The following VDAC3 variants were observed in gnomAD, a reference collection of about 807,000 sequenced individuals.
VDAC3 encodes voltage dependent anion channel 3.
A neutral mutation model predicts 33.9 loss-of-function variants in VDAC3; 7 were observed. The observed-to-expected ratio is 0.21, with a 90% CI of 0.12 to 0.39. The LOEUF is 0.39. Ranked by LOEUF, VDAC3 falls within the 10% of genes least tolerant of loss-of-function variation. The pLI is 1.00. For missense variants in VDAC3, 261 were observed against 334.5 expected (o/e 0.78, Z 1.71); for synonymous variants, 100 against 122.4 (o/e 0.82, Z 1.21).
At position 42,405,546 on chromosome 8, in the gene VDAC3, GAAATTTC is replaced by G; in HGVS notation, c.*88_*94del. 2.5e-6 allele frequency: 3 copies of G among 1,197,656 alleles called. No homozygotes were observed. The highest frequency in any genetic ancestry group is 4.0e-5 in the Admixed American group (2 of 49,670). The allele number at this position is 1,197,656 out of a possible 1,614,324, so 74.2% of individuals were successfully genotyped here. A position where few individuals can be genotyped will look rare whatever the true frequency, so the allele number is the denominator to read the frequency against. On this transcript the variant is annotated 3_prime_UTR_variant, in exon 10 of 10. Coordinates refer to ENST00000022615, the MANE Select transcript of VDAC3 (RefSeq NM_005662.7). ...TGTTTTGGCCTTAAAATTCTTCTGT[GAAATTTC>G]AAAAGTGTGAACTTTTTATTCTTCC...
chr8:42,393,992 A>G, intron 2 of VDAC3, 108 bp downstream of exon 2: 1 of 478,520 alleles, frequency 2.1e-6, no homozygotes, highest in South Asian at 3.9e-5. Context: ...TGACCTCTGA[A>G]TCTCACGGGA....
chr8:42,396,101 CA>C (rs11291558), intron 4 of VDAC3, among the ~76,000 whole-genome samples: 3,028 of 151,866 alleles, frequency 0.02, 56 homozygotes, highest in Admixed American at 0.045. Context: ...ACTAAAAATA[CA>C]AAAAAATTAG....
intron 7 of VDAC3, 76 bp from the exon 8 acceptor site, chr8:42,403,229 ATAGTCT>A: frequency 1.3e-6 from 2 of 1,514,030 alleles, no homozygotes; most frequent in Non-Finnish European, 1.8e-6. Flanking sequence ...CCTTGTTTAG[ATAGTCT>A]TAGAATTTGT....
intron 4 of VDAC3, chr8:42,396,829 TTTTG>T (rs1287582734): frequency 8.5e-6 from 5 of 586,356 alleles, no homozygotes; most frequent in South Asian, 2.2e-5. Flanking sequence ...ACAGTAACAT[TTTTG>T]TTTGTTTTGT....
Position 42,405,753 on chromosome 8 carries a change from C to A in VDAC3, c.*291C>A. 1 of 291,940 alleles carries A rather than the reference C, an allele frequency of 3.4e-6. No homozygotes were observed. The highest frequency in any genetic ancestry group is 7.9e-5 in the East Asian group (1 of 12,684). 18.1% of individuals were successfully genotyped at this position (291,940 alleles called of 1,614,324 possible). ...GTAGCGTCATGTTAGAGGAGACGAT[C>A]TGACCCACCAGTTTGTACATCACGT... On this transcript the variant is annotated 3_prime_UTR_variant, in exon 10 of 10. Coordinates refer to ENST00000022615, the MANE Select transcript of VDAC3 (RefSeq NM_005662.7).
chr8:42,396,565 A>G (rs1018649877), intron 4 of VDAC3: 4 of 654,080 alleles, frequency 6.1e-6, no homozygotes, highest in Middle Eastern at 2.6e-4. Flanking sequence ...TAGAAGAATC[A>G]TTCTCATTTT....
Position 42,403,424 on chromosome 8 carries a change from C to T in VDAC3, c.665C>T (p.Ala222Val). Reference sequence around the variant, plus strand: ...AGTAACAACACCCGTTTTGGCATTGCTGCTAAGTACATGCTGGATTGTAGA... The same window carrying T: ...AGTAACAACACCCGTTTTGGCATTGTTGCTAAGTACATGCTGGATTGTAGA... ...AGSNNTRFGIAAKYMLDCRTS... is the reference protein window; with the variant it reads ...AGSNNTRFGIVAKYMLDCRTS... Residue 222 changes from alanine to valine, a missense_variant, in exon 8 of 10, where the codon GCT (alanine) becomes GTT (valine). Physicochemically the swap from Ala to Val is moderately conservative, Grantham distance 64. Transcript: ENST00000022615. The T allele has an allele frequency of 6.2e-7, 1 of 1,608,542 alleles. No homozygotes were observed. Among genetic ancestry groups the T allele is most frequent in the South Asian group, 1.1e-5 (1 of 89,880 alleles).
chr8:42,399,976 G>A (rs1802387106), intron 6 of VDAC3, among the ~76,000 whole-genome samples: 1 of 152,214 alleles, frequency 6.6e-6, no homozygotes, highest in Non-Finnish European at 1.5e-5. Context: ...AGCTAGAAGA[G>A]TCTTGAGACC....
At chr8:42,392,264 C>G (rs899061975) in intron 1 of VDAC3, among the ~76,000 whole-genome samples, 6 of 152,370 alleles carry the variant, frequency 3.9e-5, no homozygotes, top group South Asian at 2.1e-4. Flanking sequence ...TCCCGCCCGC[C>G]CCTGCCCCCT....
intron 4 of VDAC3, 116 bp from the exon 5 acceptor site, chr8:42,398,596 G>A: frequency 9.0e-7 from 1 of 1,112,364 alleles, no homozygotes; most frequent in Non-Finnish European, 1.2e-6. Flanking sequence ...TCTAGAGTAG[G>A]GCTGTGGCAA....
intron 5 of VDAC3, 33 bp downstream of exon 5, chr8:42,398,897 T>C: frequency 6.2e-7 from 1 of 1,608,084 alleles, no homozygotes; most frequent in Non-Finnish European, 8.5e-7. Flanking sequence ...ATTCATAGGT[T>C]CAATTTATCT....
chr8:42,402,455 G>A (rs1179393941), intron 7 of VDAC3, among the ~76,000 whole-genome samples: 2 of 152,120 alleles, frequency 1.3e-5, no homozygotes, highest in Non-Finnish European at 2.9e-5. Context: ...GAGGTTTCAG[G>A]TACTGGTATT....
chr8:42,399,364 G>GT (rs1479934122), intron 5 of VDAC3, among the ~76,000 whole-genome samples: 2 of 152,186 alleles, frequency 1.3e-5, no homozygotes, highest in African/African-American at 2.4e-5. Flanking sequence ...TTTCAAGAGA[G>GT]TATCAAGATG....
Position 42,401,999 on chromosome 8 carries a change from C to G in VDAC3, c.535C>G (p.Gln179Glu). 1 of 1,614,234 alleles carries G rather than the reference C, an allele frequency of 6.2e-7. No individual in the cohort carries two copies. Among genetic ancestry groups the G allele is most frequent in the Non-Finnish European group, 8.5e-7 (1 of 1,180,038 alleles). Residue 179 changes from glutamine to glutamate, a missense_variant, in exon 7 of 10, where the codon CAG (glutamine) becomes GAG (glutamate). Physicochemically the swap from Gln to Glu is conservative, Grantham distance 29. Transcript: ENST00000022615. The stretch of plus-strand genomic sequence containing the variant: ...CCTGGGTTACAAGGCTGCGGACTTC[C>G]AGCTGCACACACATGTGTGAGTGTT... ...FALGYKAADFQLHTHVNDGTE... is the reference protein window; with the variant it reads ...FALGYKAADFELHTHVNDGTE...
intron 8 of VDAC3, 125 bp from the exon 9 acceptor site, chr8:42,404,742 A>T (rs1017238865): frequency 3.1e-6 from 2 of 637,634 alleles, no homozygotes; most frequent in Non-Finnish European, 4.9e-6. Flanking sequence ...AAAAAAAAAA[A>T]TCAGTAATTC....
chr8:42,398,898 C>A (rs1334858685), intron 5 of VDAC3, 34 bp downstream of exon 5: 2 of 1,605,408 alleles, frequency 1.2e-6, no homozygotes, highest in South Asian at 1.1e-5. Flanking sequence ...TTCATAGGTT[C>A]AATTTATCTT....
chr8:42,395,579 G>A (rs534365379), intron 4 of VDAC3, among the ~76,000 whole-genome samples: 2 of 152,308 alleles, frequency 1.3e-5, no homozygotes, highest in South Asian at 4.1e-4. Flanking sequence ...TTATTCTACA[G>A]TTTTTAACTG....
chr8:42,403,196 A>T (rs1346330387), intron 7 of VDAC3, 115 bp from the exon 8 acceptor site: 1 of 1,296,002 alleles, frequency 7.7e-7, no homozygotes, highest in Non-Finnish European at 1.1e-6. Context: ...AATTTGCTGA[A>T]ATCTATAGTT....
At chr8:42,400,964 G>A (rs1305642275) in intron 6 of VDAC3, among the ~76,000 whole-genome samples, 3 of 151,848 alleles carry the variant, frequency 2.0e-5, no homozygotes, top group Non-Finnish European at 2.9e-5. Flanking sequence ...GCCCGGCCAG[G>A]ACAAATATTC....
Sources: gnomAD v4.1 joint callset for allele counts (sites outside exome capture counted in the v4.1 genomes callset) on GRCh38, gnomAD v4.1.1 for gene constraint, MANE v1.5 for transcripts, NCBI Gene and HGNC (gene_info 2026-07-23, HGNC 2026-07-21) for gene names.